Variants in TAOK1 observed in about 807,000 individuals in gnomAD.
TAOK1 encodes the protein TAO kinase 1.
TAOK1 carries 21 observed loss-of-function variants against 138.3 expected under a neutral mutation model. That is an observed-to-expected ratio of 0.15 (90% CI 0.11 to 0.22). TAOK1 has a LOEUF of 0.22. Ranked by LOEUF, TAOK1 falls within the 10% of genes least tolerant of loss-of-function variation. TAOK1 has a pLI of 1.00. For missense variants in TAOK1, 651 were observed against 1,227.7 expected, an observed-to-expected ratio of 0.53 and a Z score of 7.02; for synonymous variants, 361 against 398.4, an observed-to-expected ratio of 0.91 and a Z score of 1.12.
At chr17:29,500,797 A>C (rs1051499443) in intron 12 of TAOK1, among the ~76,000 whole-genome samples, 1 of 152,184 alleles carries the variant, frequency 6.6e-6, no homozygotes, top group Non-Finnish European at 1.5e-5. Flanking sequence ...AGCTATAAAA[A>C]GGAATGAAGT....
At chr17:29,533,519 A>C (rs931764021) in intron 18 of TAOK1, among the ~76,000 whole-genome samples, 11 of 151,992 alleles carry the variant, frequency 7.2e-5, no homozygotes, top group Non-Finnish European at 1.3e-4. Context: ...TAGCGAGCCG[A>C]GATCACCCCA....
At chr17:29,474,815 G>A (rs972609675) in intron 3 of TAOK1, among the ~76,000 whole-genome samples, 1 of 150,100 alleles carries the variant, frequency 6.7e-6, no homozygotes, top group African/African-American at 2.5e-5. Context: ...TGGTAGACTT[G>A]CTTTGACACA....
At chr17:29,538,765 A>G (rs934233328) in intron 19 of TAOK1, among the ~76,000 whole-genome samples, 4 of 152,212 alleles carry the variant, frequency 2.6e-5, no homozygotes, top group Admixed American at 6.5e-5. Context: ...TCTTGTTTCA[A>G]TGTTTCTCAT....
In TAOK1 at chr17:29,551,158, T is replaced by C. The variant is rs2032486839; in HGVS notation, c.*8136T>C. ...TCTTTTCTAAAAGTGGTATCTGTTA[T>C]CCACAATGTATTTTAGTTATTCCCA... On this transcript the variant is annotated 3_prime_UTR_variant, in exon 20 of 20. Transcript: ENST00000261716. 1 of 152,200 alleles carries C rather than the reference T, an allele frequency of 6.6e-6. No homozygotes were observed. The highest frequency in any genetic ancestry group is 2.1e-4 in the South Asian group (1 of 4,830). 9.4% of individuals were successfully genotyped at this position (152,200 alleles called of 1,614,324 possible).
In TAOK1 at chr17:29,498,467, G is replaced by T; in HGVS notation, c.1149G>T (p.Met383Ile). Residue 383 changes from methionine to isoleucine, a missense_variant, in exon 12 of 20, where the codon ATG (methionine) becomes ATT (isoleucine). Physicochemically the swap from Met to Ile is conservative, Grantham distance 10. This residue lies in a region of TAOK1 where 104 missense variants were observed against 151.7 expected (regional missense o/e 0.69). Transcript: ENST00000261716. ...CAGATGACAAGAGTGAGCTAGACAT[G>T]ATGGAGGGAGACCACACAGTGATGT... The part of the protein sequence containing the change: ...DVSDDKSELD[M>I]MEGDHTVMSN... The T allele has an allele frequency of 6.2e-7, 1 of 1,614,190 alleles. No homozygotes were observed. The highest frequency in any genetic ancestry group is 8.5e-7 in the Non-Finnish European group (1 of 1,180,018).
At chr17:29,531,057 G>A (rs1232801061) in intron 18 of TAOK1, among the ~76,000 whole-genome samples, 1 of 140,020 alleles carries the variant, frequency 7.1e-6, no homozygotes, top group Non-Finnish European at 1.5e-5. Context: ...CGCCTCCCGG[G>A]TTCACGCCAT....
intron 19 of TAOK1, among the ~76,000 whole-genome samples, chr17:29,541,754 C>T (rs1054898038): frequency 7.3e-5 from 11 of 150,166 alleles, no homozygotes; most frequent in African/African-American, 2.0e-4. Flanking sequence ...CCAGCCCAGG[C>T]GACAGTGCAA....
intron 18 of TAOK1, among the ~76,000 whole-genome samples, chr17:29,531,610 A>G (rs1212722288): frequency 6.6e-6 from 1 of 151,880 alleles, no homozygotes; most frequent in African/African-American, 2.4e-5. Flanking sequence ...TAAAAATACA[A>G]AAATTAGCCA....
chr17:29,412,583 A>C (rs142757946), intron 1 of TAOK1, among the ~76,000 whole-genome samples: 17 of 152,208 alleles, frequency 1.1e-4, no homozygotes, highest in African/African-American at 3.9e-4. Context: ...TAAGTACTTA[A>C]TTGTCTTAGC....
chr17:29,520,451 T>G (rs1042091652), intron 16 of TAOK1, among the ~76,000 whole-genome samples: 1 of 151,544 alleles, frequency 6.6e-6, no homozygotes, highest in Non-Finnish European at 1.5e-5. Context: ...TGAGACTCTA[T>G]TGCCCAGGCT....
intron 15 of TAOK1, among the ~76,000 whole-genome samples, chr17:29,516,727 C>T (rs2031823409): frequency 1.3e-5 from 2 of 152,072 alleles, no homozygotes; most frequent in African/African-American, 4.8e-5. Flanking sequence ...TCTCGAACTC[C>T]CAACCTCAGG....
At chr17:29,530,297 C>G in intron 17 of TAOK1, 110 bp from the exon 18 acceptor site, 6 of 951,844 alleles carry the variant, frequency 6.3e-6, no homozygotes, top group Non-Finnish European at 9.4e-6. Flanking sequence ...ACCTGCTTGG[C>G]TTTCCTCTCA....
intron 1 of TAOK1, among the ~76,000 whole-genome samples, chr17:29,432,447 G>A (rs889116824): frequency 1.3e-5 from 2 of 152,190 alleles, no homozygotes; most frequent in African/African-American, 2.4e-5. Flanking sequence ...ATGTCGCAGT[G>A]CTGCAGAGAT....
At chr17:29,400,622 C>CT (rs139195794) in intron 1 of TAOK1, among the ~76,000 whole-genome samples, 4,886 of 152,068 alleles carry the variant, frequency 0.032, 101 homozygotes, top group Middle Eastern at 0.061. Context: ...ATTCAACAAA[C>CT]TTTAAGTGAT....
intron 1 of TAOK1, among the ~76,000 whole-genome samples, chr17:29,414,690 G>A (rs2041212703): frequency 6.6e-6 from 1 of 151,606 alleles, no homozygotes; most frequent in South Asian, 2.1e-4. Context: ...CTAAGTAGTT[G>A]GGACTACAAG....
chr17:29,470,291 G>GTATAGT lies in TAOK1; in HGVS notation c.204+3078_204+3079insAGTTAT, dbSNP rs1402879299. ...TAACTGTATTTCCTGATAGGTATAG[G>GTATAGT]TATTAGTGAATAAGGCTCTTAGTAA... On this transcript the variant is annotated intron_variant, in intron 3 of 19. Coordinates refer to ENST00000261716, the MANE Select transcript of TAOK1 (RefSeq NM_020791.4). Among the ~76,000 whole-genome samples the GTATAGT allele has an allele frequency of 5.3e-5, 8 of 152,258 alleles. No individual in the cohort carries two copies. The East Asian group carries it at 1.5e-3, about 29-fold the overall frequency.
chr17:29,544,763 T>G lies in TAOK1; in HGVS notation c.*1741T>G, dbSNP rs544137489. 1.3e-5 allele frequency: 2 copies of G among 152,230 alleles called. No homozygotes were observed. The highest frequency in any genetic ancestry group is 4.8e-5 in the African/African-American group (2 of 41,454). 9.4% of individuals were successfully genotyped at this position (152,230 alleles called of 1,614,324 possible). A position where few individuals can be genotyped will look rare whatever the true frequency, so the allele number is the denominator to read the frequency against. Reference sequence around the variant, plus strand: ...AGTTATTGTCCTGCTCCCTTCCAAGTTGTCTTGAAGAATCCTTGCTGCTAA... The same window carrying G: ...AGTTATTGTCCTGCTCCCTTCCAAGGTGTCTTGAAGAATCCTTGCTGCTAA... On this transcript the variant is annotated 3_prime_UTR_variant, in exon 20 of 20. Coordinates refer to ENST00000261716, the MANE Select transcript of TAOK1 (RefSeq NM_020791.4).
intron 11 of TAOK1, among the ~76,000 whole-genome samples, chr17:29,496,430 T>TG (rs1307624364): frequency 6.6e-6 from 1 of 152,004 alleles, no homozygotes; most frequent in African/African-American, 2.4e-5. Flanking sequence ...AGCCCTTTTT[T>TG]GACTGATTGT....
At chr17:29,447,664 T>TA (rs2030123365) in intron 1 of TAOK1, among the ~76,000 whole-genome samples, 1 of 143,492 alleles carries the variant, frequency 7.0e-6, no homozygotes, top group African/African-American at 2.6e-5. Context: ...ATTTTATTTT[T>TA]TTTTTTTTTT....
Sources: gnomAD v4.1 joint callset for allele counts (sites outside exome capture counted in the v4.1 genomes callset) on GRCh38, gnomAD v4.1.1 for gene constraint, gnomAD v4.1.1 regional missense constraint, MANE v1.5 for transcripts, NCBI Gene and HGNC (gene_info 2026-07-23, HGNC 2026-07-21) for gene names.